The following ADAMTS6 variants were observed in gnomAD, a reference collection of about 807,000 sequenced individuals.
ADAMTS6 encodes ADAM metallopeptidase with thrombospondin type 1 motif 6.
Under a neutral mutation model 144.3 loss-of-function variants are expected in ADAMTS6, and 23 were observed. The observed-to-expected ratio is 0.16, with a 90% CI of 0.11 to 0.23. The LOEUF is 0.23. ADAMTS6 is among the 10% of genes least tolerant of loss of function. The pLI is 1.00. For synonymous variants in ADAMTS6, 444 were observed against 457.5 expected, an observed-to-expected ratio of 0.97 and a Z score of 0.38; for missense variants, 999 against 1,379.6, an observed-to-expected ratio of 0.72 and a Z score of 4.37.
At chr5:65,381,078 G>A (rs1751994912) in intron 7 of ADAMTS6, among the ~76,000 whole-genome samples, 1 of 152,132 alleles carries the variant, frequency 6.6e-6, no homozygotes, top group Admixed American at 6.5e-5. Context: ...TACAGTAACT[G>A]CACTTGAGAT....
At chr5:65,309,703 G>A (rs889700591) in intron 9 of ADAMTS6, among the ~76,000 whole-genome samples, 1 of 152,064 alleles carries the variant, frequency 6.6e-6, no homozygotes, top group Non-Finnish European at 1.5e-5. Flanking sequence ...TTTGGCAACT[G>A]ATTTCTCCTC....
intron 7 of ADAMTS6, among the ~76,000 whole-genome samples, chr5:65,439,180 A>G (rs1757682359): frequency 6.6e-6 from 1 of 151,674 alleles, no homozygotes; most frequent in African/African-American, 2.4e-5. Context: ...AGAAAGAAAG[A>G]AAAAAAAAGT....
chr5:65,298,044 C>A (rs1430357762), intron 10 of ADAMTS6, among the ~76,000 whole-genome samples: 2 of 152,114 alleles, frequency 1.3e-5, no homozygotes, highest in Non-Finnish European at 2.9e-5. Flanking sequence ...TTCAATGGAA[C>A]ACTTTATTGA....
intron 8 of ADAMTS6, among the ~76,000 whole-genome samples, chr5:65,330,349 AT>A (rs1746593359): frequency 6.6e-6 from 1 of 152,178 alleles, no homozygotes; most frequent in African/African-American, 2.4e-5. Flanking sequence ...AAAAGCAAAA[AT>A]GTCATCTCTT....
At chr5:65,338,285 G>T (rs888514678) in intron 7 of ADAMTS6, among the ~76,000 whole-genome samples, 6 of 152,194 alleles carry the variant, frequency 3.9e-5, no homozygotes, top group African/African-American at 1.2e-4. Context: ...GGAAATCAGG[G>T]TTCCACTTTT....
At chr5:65,158,039 A>G (rs1752532540) in intron 24 of ADAMTS6, among the ~76,000 whole-genome samples, 1 of 152,124 alleles carries the variant, frequency 6.6e-6, no homozygotes, top group Admixed American at 6.5e-5. Flanking sequence ...CCCACATTCA[A>G]CCTGGAGGTG....
intron 10 of ADAMTS6, among the ~76,000 whole-genome samples, chr5:65,297,850 C>T (rs1302159064): frequency 1.3e-5 from 2 of 152,066 alleles, no homozygotes; most frequent in Non-Finnish European, 2.9e-5. Flanking sequence ...ACCCATTGTG[C>T]TTCACATCTA....
At chr5:65,175,863 T>C (rs2112104997) in intron 22 of ADAMTS6, among the ~76,000 whole-genome samples, 1 of 111,440 alleles carries the variant, frequency 9.0e-6, no homozygotes, top group South Asian at 2.7e-4. Flanking sequence ...TCCTCCCAGG[T>C]AATTGAAGGA....
At chr5:65,471,277 C>CA in intron 2 of ADAMTS6, 135 bp from the exon 3 acceptor site, 5 of 827,266 alleles carry the variant, frequency 6.0e-6, no homozygotes, top group Non-Finnish European at 8.5e-6. Flanking sequence ...GAGGTATGTA[C>CA]AAAAAAAGTT....
At chr5:65,373,739 TC>T (rs1368136057) in intron 7 of ADAMTS6, among the ~76,000 whole-genome samples, 1 of 152,124 alleles carries the variant, frequency 6.6e-6, no homozygotes, top group Non-Finnish European at 1.5e-5. Context: ...ATAGAGGGAA[TC>T]CTCCGTAACT....
intron 2 of ADAMTS6, among the ~76,000 whole-genome samples, 184 bp downstream of exon 2, chr5:65,473,393 G>T (rs577626314): frequency 6.6e-6 from 1 of 152,108 alleles, no homozygotes; most frequent in African/African-American, 2.4e-5. Context: ...AATACTAGTA[G>T]GACAAGTTAA....
intron 7 of ADAMTS6, among the ~76,000 whole-genome samples, chr5:65,389,930 T>C (rs768572684): frequency 9.2e-5 from 14 of 152,152 alleles, no homozygotes; most frequent in Non-Finnish European, 1.6e-4. Context: ...ACGTTTTTCT[T>C]TGATTTAATG....
intron 7 of ADAMTS6, among the ~76,000 whole-genome samples, chr5:65,344,742 T>C (rs958563999): frequency 6.6e-6 from 1 of 151,918 alleles, no homozygotes; most frequent in Non-Finnish European, 1.5e-5. Flanking sequence ...ATGTCCACTC[T>C]GTCCTCTCTT....
chr5:65,381,303 A>G (rs1561484381), intron 7 of ADAMTS6, among the ~76,000 whole-genome samples: 1 of 152,062 alleles, frequency 6.6e-6, no homozygotes, highest in African/African-American at 2.4e-5. Context: ...TGTATTAAAC[A>G]TTAAATTTGG....
chr5:65,214,743 G>A lies in ADAMTS6; in HGVS notation c.2575+51C>T. 1 of 1,612,792 alleles carries A rather than the reference G, an allele frequency of 6.2e-7. No individual in the cohort carries two copies. The highest frequency in any genetic ancestry group is 2.2e-5 in the East Asian group (1 of 44,860). ...AAACACAAAGCATAGCTCAGAATGT[G>A]TTTTGTTCTCCATCTTGCCCTCTGG... On this transcript the variant is annotated intron_variant, in intron 20 of 24. Transcript: ENST00000381055. This position sits in a 1 kb window ranked among gnomAD's most constrained non-coding sequence, Gnocchi z 4.6.
chr5:65,192,831 T>C (rs1755100475), intron 21 of ADAMTS6, among the ~76,000 whole-genome samples: 1 of 151,948 alleles, frequency 6.6e-6, no homozygotes, highest in Non-Finnish European at 1.5e-5. Flanking sequence ...ATAAACATAA[T>C]ATTATTTCTC....
intron 7 of ADAMTS6, among the ~76,000 whole-genome samples, chr5:65,404,000 T>A (rs1220951236): frequency 6.6e-6 from 1 of 152,036 alleles, no homozygotes; most frequent in African/African-American, 2.4e-5. Flanking sequence ...TCTCCCAATA[T>A]AAAATCAATG....
chr5:65,322,554 G>T (rs1458928097), intron 9 of ADAMTS6, among the ~76,000 whole-genome samples: 11 of 137,918 alleles, frequency 8.0e-5, no homozygotes, highest in Non-Finnish European at 1.4e-4. Context: ...TTGAGCAGTG[G>T]TATGTAGTTT....
intron 10 of ADAMTS6, chr5:65,297,179 T>C (rs1742921857): frequency 2.2e-6 from 1 of 454,738 alleles, no homozygotes; most frequent in African/African-American, 2.0e-5. Flanking sequence ...GGGTTCTTTA[T>C]TATTTAATCA....
Sources: gnomAD v4.1 joint callset for allele counts (sites outside exome capture counted in the v4.1 genomes callset) on GRCh38, gnomAD v4.1.1 for gene constraint, Gnocchi (gnomAD v3.1) non-coding constraint, MANE v1.5 for transcripts, NCBI Gene and HGNC (gene_info 2026-07-23, HGNC 2026-07-21) for gene names.